The following THSD4 variants were observed in gnomAD, a reference collection of about 807,000 sequenced individuals.
THSD4 encodes the protein thrombospondin type-1 domain-containing protein 4.
Under a neutral mutation model 119.0 loss-of-function variants are expected in THSD4, and 69 were observed. The observed-to-expected ratio is 0.58, with a 90% CI of 0.48 to 0.71. The LOEUF is 0.71. THSD4 is among the 30% of genes least tolerant of loss of function. The pLI, the probability that THSD4 is intolerant of heterozygous loss-of-function variation, is 0.00. For missense variants in THSD4, 1,393 were observed against 1,391.1 expected (o/e 1.00, Z -0.02); for synonymous variants, 524 against 540.4 (o/e 0.97, Z 0.42).
At chr15:71,362,665 CAATA>C (rs1426729442) in intron 6 of THSD4, among the ~76,000 whole-genome samples, 4 of 152,114 alleles carry the variant, frequency 2.6e-5, no homozygotes, top group African/African-American at 4.8e-5. Flanking sequence ...AGAAAAATTG[CAATA>C]AATAAATTAA....
intron 7 of THSD4, among the ~76,000 whole-genome samples, chr15:71,426,365 C>CTGTGTGTG (rs199965138): frequency 1.6e-4 from 16 of 102,492 alleles, no homozygotes; most frequent in African/African-American, 4.1e-4. Context: ...GTAAGTATAG[C>CTGTGTGTG]TGTGTGTGTG....
At chr15:71,410,837 G>A (rs1302458001) in intron 6 of THSD4, among the ~76,000 whole-genome samples, 2 of 152,192 alleles carry the variant, frequency 1.3e-5, no homozygotes, top group South Asian at 4.2e-4. Flanking sequence ...TTCAAGACTG[G>A]CCTGGCCAAC....
In THSD4 at chr15:71,395,656, G is replaced by A. The variant is rs1342736833; in HGVS notation, c.1016-16031G>A. The stretch of plus-strand genomic sequence containing the variant: ...CTCAGGAGGCTGAGGCAGGAGAATC[G>A]CTTGAACCCGGGAGGCAGAGGCTGC... On this transcript the variant is annotated intron_variant, in intron 6 of 17. Transcript: ENST00000261862. 6.6e-5 allele frequency among the ~76,000 whole-genome samples: 10 copies of A among 152,014 alleles called. No individual in the cohort carries two copies. In the South Asian group the frequency reaches 1.2e-3, roughly 19 times the overall value.
chr15:71,475,689 G>A (rs2047646053), intron 7 of THSD4, among the ~76,000 whole-genome samples: 2 of 152,196 alleles, frequency 1.3e-5, no homozygotes, highest in Non-Finnish European at 2.9e-5. Flanking sequence ...TTGGGAGCTT[G>A]AGGCGGGAAG....
chr15:71,123,510 C>T (rs1210889242), intron 1 of THSD4, among the ~76,000 whole-genome samples: 1 of 152,200 alleles, frequency 6.6e-6, no homozygotes, highest in East Asian at 1.9e-4. Context: ...TGCAGGTGAA[C>T]ACTAGAACTT....
intron 7 of THSD4, among the ~76,000 whole-genome samples, chr15:71,470,790 C>G (rs909876024): frequency 1.3e-5 from 2 of 151,886 alleles, no homozygotes; most frequent in African/African-American, 2.4e-5. Context: ...CGCCCGCCAC[C>G]GCGCCCGGCT....
intron 8 of THSD4, among the ~76,000 whole-genome samples, chr15:71,693,577 G>A (rs770086384): frequency 6.6e-6 from 1 of 152,116 alleles, no homozygotes; most frequent in Non-Finnish European, 1.5e-5. Context: ...AGCCCAGGAG[G>A]TTGCAGTGAG....
chr15:71,661,407 T>G (rs557422696), intron 8 of THSD4, among the ~76,000 whole-genome samples: 6 of 151,656 alleles, frequency 4.0e-5, no homozygotes, highest in African/African-American at 1.5e-4. Flanking sequence ...ATTTATTTTT[T>G]TTTTTTGAGA....
At chr15:71,124,835 G>A (rs1483362559) in intron 1 of THSD4, among the ~76,000 whole-genome samples, 1 of 152,152 alleles carries the variant, frequency 6.6e-6, no homozygotes, top group East Asian at 1.9e-4. Flanking sequence ...TTGAGCCCAG[G>A]AGTTCGAGAC....
intron 4 of THSD4, among the ~76,000 whole-genome samples, chr15:71,219,544 A>G (rs1363661443): frequency 6.6e-6 from 1 of 152,168 alleles, no homozygotes; most frequent in Non-Finnish European, 1.5e-5. Context: ...TTCATTTTAA[A>G]TGCTTCTGAT....
At chr15:71,716,694 G>T (rs577463188) in intron 8 of THSD4, among the ~76,000 whole-genome samples, 1 of 151,932 alleles carries the variant, frequency 6.6e-6, no homozygotes, top group Non-Finnish European at 1.5e-5. Flanking sequence ...CCCAGCCACG[G>T]TGCACACCTG....
chr15:71,726,952 G>A (rs1363110672), intron 8 of THSD4, among the ~76,000 whole-genome samples: 1 of 150,436 alleles, frequency 6.6e-6, no homozygotes, highest in Non-Finnish European at 1.5e-5. Flanking sequence ...AAAAAAAAAA[G>A]GTACCTTCTC....
intron 7 of THSD4, among the ~76,000 whole-genome samples, chr15:71,652,636 T>C (rs185008898): frequency 1.3e-5 from 2 of 152,326 alleles, no homozygotes; most frequent in Non-Finnish European, 2.9e-5. Flanking sequence ...CTCTCGGGAC[T>C]CCTTTCTTCA....
intron 6 of THSD4, among the ~76,000 whole-genome samples, chr15:71,341,969 A>G (rs2045584233): frequency 6.6e-6 from 1 of 152,176 alleles, no homozygotes; most frequent in African/African-American, 2.4e-5. Context: ...GACAGTAAAA[A>G]ATTACTCCAT....
chr15:71,494,266 T>A (rs905070464), intron 7 of THSD4, among the ~76,000 whole-genome samples: 1 of 152,144 alleles, frequency 6.6e-6, no homozygotes, highest in African/African-American at 2.4e-5. Context: ...TATAATAAAA[T>A]AGGTGAATAC....
chr15:71,608,098 C>A (rs1004953345), intron 7 of THSD4, among the ~76,000 whole-genome samples: 2 of 151,634 alleles, frequency 1.3e-5, no homozygotes, highest in Non-Finnish European at 2.9e-5. Flanking sequence ...TGGCAGGCAC[C>A]TGTAATGCCA....
At chr15:71,393,392 T>C (rs2140472186) in intron 6 of THSD4, among the ~76,000 whole-genome samples, 1 of 152,130 alleles carries the variant, frequency 6.6e-6, no homozygotes, top group Non-Finnish European at 1.5e-5. Context: ...ATGATCACTT[T>C]CCATACTTGC....
chr15:71,440,775 G>T (rs1468776433), intron 7 of THSD4, among the ~76,000 whole-genome samples: 1 of 152,148 alleles, frequency 6.6e-6, no homozygotes, highest in Non-Finnish European at 1.5e-5. Flanking sequence ...CACCAAAAAG[G>T]CCAAAATACA....
Position 71,242,633 on chromosome 15 carries a change from G to T in THSD4, c.465-16G>T. 1.2e-6 allele frequency: 2 copies of T among 1,608,756 alleles called. No homozygotes were observed. The highest frequency in any genetic ancestry group is 1.7e-6 in the Non-Finnish European group (2 of 1,176,136). On this transcript the variant is annotated splice_polypyrimidine_tract_variant and intron_variant, in intron 4 of 17. Transcript: ENST00000261862. ...TCCGACTCTGATCATCTCCTCTCTT[G>T]TCTATCTCTCTTTAGGAGCAGGACC...
Sources: allele counts gnomAD v4.1 joint callset (sites outside exome capture counted in the v4.1 genomes callset), GRCh38; gene constraint gnomAD v4.1.1; transcripts MANE v1.5; gene names NCBI Gene and HGNC (gene_info 2026-07-23, HGNC 2026-07-21).